Variants in CREB3L2 observed in about 807,000 individuals in gnomAD.
CREB3L2 encodes cAMP responsive element binding protein 3 like 2, also known as cyclic AMP-responsive element-binding protein 3-like protein 2.
CREB3L2 carries 23 observed loss-of-function variants against 57.2 expected under a neutral mutation model. The observed-to-expected ratio is 0.40, with a 90% confidence interval of 0.29 to 0.57. CREB3L2 has a LOEUF of 0.57. Among genes scored for constraint, CREB3L2 ranks in the 20% least tolerant of loss-of-function variants. The pLI is 0.42. For missense variants in CREB3L2, 628 were observed against 634.7 expected, an observed-to-expected ratio of 0.99 and a Z score of 0.11; for synonymous variants, 268 against 265.1, an observed-to-expected ratio of 1.01 and a Z score of -0.11.
rs765288089 is a variant in CREB3L2, at chr7:137,885,387, C to G, written c.1143+16G>C. The G allele has an allele frequency of 6.2e-7, 1 of 1,609,838 alleles. No individual in the cohort carries two copies. Among genetic ancestry groups the G allele is most frequent in the South Asian group, 1.1e-5 (1 of 90,982 alleles). ...GGCCAGGGGCGGTCACTGTGCTACC[C>G]TGCTGGGAAGCTCACCATGAGGCAG... On this transcript the variant is annotated intron_variant, in intron 9 of 11. Transcript: ENST00000330387.
chr7:137,912,241 G>A (rs1454388085), intron 4 of CREB3L2, among the ~76,000 whole-genome samples: 2 of 152,036 alleles, frequency 1.3e-5, no homozygotes, highest in Admixed American at 1.3e-4. Context: ...GCTGGGTGTG[G>A]TGGTGCACGC....
intron 1 of CREB3L2, among the ~76,000 whole-genome samples, chr7:137,971,449 CAA>C (rs34602691): frequency 2.9e-5 from 4 of 136,006 alleles, no homozygotes; most frequent in African/African-American, 5.7e-5. Flanking sequence ...GACTCCGTCT[CAA>C]AAAAAAAAAA....
intron 1 of CREB3L2, among the ~76,000 whole-genome samples, chr7:137,983,532 C>T (rs1411228126): frequency 6.6e-6 from 1 of 152,240 alleles, no homozygotes; most frequent in Non-Finnish European, 1.5e-5. Context: ...CAGCAGGCTT[C>T]AGGCAGGTGT....
In CREB3L2 at chr7:137,882,101, C is replaced by T. The variant is rs190319007; in HGVS notation, c.1487+311G>A. Among the ~76,000 whole-genome samples the T allele has an allele frequency of 3.3e-3, 501 of 152,298 alleles. 2 individuals are homozygous for T. The highest frequency in any genetic ancestry group is 5.3e-3 in the Non-Finnish European group (362 of 68,018). ...TGGTTACCTGGGCTGTGCATTCACT[C>T]GTGTGGCTTGGAAGGGAGGATGGAG... On this transcript the variant is annotated intron_variant, in intron 11 of 11. Coordinates refer to ENST00000330387, the MANE Select transcript of CREB3L2 (RefSeq NM_194071.4).
chr7:137,935,531 T>C, intron 1 of CREB3L2, among the ~76,000 whole-genome samples: 1 of 152,342 alleles, frequency 6.6e-6, no homozygotes, highest in East Asian at 1.9e-4. Context: ...TCTTTGATGT[T>C]CCTTTCATTG....
At chr7:137,943,763 T>C in intron 1 of CREB3L2, among the ~76,000 whole-genome samples, 1 of 152,196 alleles carries the variant, frequency 6.6e-6, no homozygotes, top group Admixed American at 6.5e-5. Context: ...GATTCTTCAT[T>C]AATGAGGATT....
Position 137,982,830 on chromosome 7 carries a change from T to C in CREB3L2, c.102+18774A>G, listed in dbSNP as rs145152725. On this transcript the variant is annotated intron_variant, in intron 1 of 11. Coordinates refer to ENST00000330387, the MANE Select transcript of CREB3L2 (RefSeq NM_194071.4). Reference sequence around the variant, plus strand: ...CTGGAGACTGGGCCTGAGGGTTAAATGGGCTGAAAGGATGGTGCCCTCATG... The same window carrying C: ...CTGGAGACTGGGCCTGAGGGTTAAACGGGCTGAAAGGATGGTGCCCTCATG... Among the ~76,000 whole-genome samples the C allele has an allele frequency of 4.3e-3, 652 of 152,242 alleles. 6 individuals are homozygous for C. Among genetic ancestry groups the C allele is most frequent in the African/African-American group, 0.015 (623 of 41,540 alleles).
intron 1 of CREB3L2, among the ~76,000 whole-genome samples, chr7:137,930,078 T>C (rs536678329): frequency 6.6e-6 from 1 of 151,626 alleles, no homozygotes. Flanking sequence ...TTTGTATTTG[T>C]AGTAGAGACA....
At chr7:137,965,536 A>C (rs1261954783) in intron 1 of CREB3L2, among the ~76,000 whole-genome samples, 2 of 152,202 alleles carry the variant, frequency 1.3e-5, no homozygotes, top group Non-Finnish European at 2.9e-5. Flanking sequence ...GAGTAGACCA[A>C]TGCTATTGGT....
chr7:137,880,128 C>T lies in CREB3L2; in HGVS notation c.*348G>A, dbSNP rs1258851564. On this transcript the variant is annotated 3_prime_UTR_variant, in exon 12 of 12. Coordinates refer to ENST00000330387, the MANE Select transcript of CREB3L2 (RefSeq NM_194071.4). The surrounding 1 kb of genome is among the most constrained non-coding windows in gnomAD (Gnocchi z 4.0). Reference sequence around the variant, plus strand: ...GACTGAACAAGAGCCATCTCGTCTCCAAAGCGGGGGGTTACACCTCACAGG... The same window carrying T: ...GACTGAACAAGAGCCATCTCGTCTCTAAAGCGGGGGGTTACACCTCACAGG... 4 of 347,638 alleles carry T rather than the reference C, an allele frequency of 1.2e-5. No individual in the cohort carries two copies. Among genetic ancestry groups the T allele is most frequent in the African/African-American group, 6.1e-5 (3 of 48,904 alleles). The allele number at this position is 347,638 out of a possible 1,614,324, so 21.5% of individuals were successfully genotyped here. A position where few individuals can be genotyped will look rare whatever the true frequency, so the allele number is the denominator to read the frequency against.
At chr7:137,921,269 A>G (rs972794418) in intron 2 of CREB3L2, among the ~76,000 whole-genome samples, 4 of 152,270 alleles carry the variant, frequency 2.6e-5, no homozygotes, top group African/African-American at 9.6e-5. Flanking sequence ...TTTGGAGAGT[A>G]AGAAGAACAA....
At chr7:137,969,104 C>T (rs562421290) in intron 1 of CREB3L2, among the ~76,000 whole-genome samples, 1 of 152,274 alleles carries the variant, frequency 6.6e-6, no homozygotes, top group Admixed American at 6.5e-5. Flanking sequence ...GGAACTCCAG[C>T]AAGATCCCTG....
rs549031494 is a variant in CREB3L2, at chr7:137,922,880, A to C, written c.319+5270T>G. The C allele has an allele frequency of 7.4e-5, 14 of 190,100 alleles. 1 individual carries two copies. The South Asian group carries it at 1.1e-3, about 16-fold the overall frequency. The allele number at this position is 190,100 out of a possible 1,614,324, so 11.8% of individuals were successfully genotyped here. On this transcript the variant is annotated intron_variant, in intron 2 of 11. Transcript: ENST00000330387. ...TCAAAGGAGTTGGCAAATCTTGAAC[A>C]ATTTTTTTATGTAAAAATCTCTTAA...
intron 1 of CREB3L2, among the ~76,000 whole-genome samples, chr7:137,991,899 C>T (rs934606987): frequency 1.9e-5 from 2 of 108,098 alleles, no homozygotes; most frequent in East Asian, 6.7e-4. Context: ...CAGAGCAAGA[C>T]TCTGCCTCAA....
Position 137,906,040 on chromosome 7 carries a change from T to G in CREB3L2, c.769-192A>C, listed in dbSNP as rs143997562. Among the ~76,000 whole-genome samples, 3 of 152,216 alleles carry G rather than the reference T, an allele frequency of 2.0e-5. No individual in the cohort carries two copies. In the East Asian group the frequency reaches 5.8e-4, roughly 29 times the overall value. On this transcript the variant is annotated intron_variant, in intron 5 of 11. Coordinates refer to ENST00000330387, the MANE Select transcript of CREB3L2 (RefSeq NM_194071.4). ...GGAAGATGGGGAAGACACCCCCATGTGAGTGTTATAACCTAGGGATTATAA... is the reference window on the plus strand; with the variant it reads ...GGAAGATGGGGAAGACACCCCCATGGGAGTGTTATAACCTAGGGATTATAA...
chr7:137,995,591 C>G (rs190810653), intron 1 of CREB3L2, among the ~76,000 whole-genome samples: 11 of 152,226 alleles, frequency 7.2e-5, no homozygotes, highest in Admixed American at 2.0e-4. Flanking sequence ...CCTTGGCCCC[C>G]CAAAGTGCTG....
chr7:137,890,719 A>C (rs1799513053), intron 8 of CREB3L2, among the ~76,000 whole-genome samples: 1 of 152,204 alleles, frequency 6.6e-6, no homozygotes, highest in Non-Finnish European at 1.5e-5. Context: ...TGACCTCGTA[A>C]CTGATATGTT....
intron 1 of CREB3L2, among the ~76,000 whole-genome samples, chr7:137,962,651 A>G (rs1370939971): frequency 3.3e-5 from 5 of 149,510 alleles, no homozygotes; most frequent in Admixed American, 1.3e-4. Context: ...ACCCCCCACC[A>G]GCATTCTCTT....
Position 137,899,709 on chromosome 7 carries a change from C to CAG in CREB3L2, c.1043+1643_1043+1644dup, listed in dbSNP as rs561429231. Among the ~76,000 whole-genome samples, 99 of 152,346 alleles carry CAG rather than the reference C, an allele frequency of 6.5e-4. 1 individual carries two copies. Among genetic ancestry groups the CAG allele is most frequent in the African/African-American group, 2.3e-3 (95 of 41,592 alleles). ...TCCTCCCTTTGGGCAGTCTGTCTTA[C>CAG]AGAGCACTTGGGGTGAACTGCCCCT... On this transcript the variant is annotated intron_variant, in intron 8 of 11. Transcript: ENST00000330387.
Sources: gnomAD v4.1 joint callset for allele counts (sites outside exome capture counted in the v4.1 genomes callset) on GRCh38, gnomAD v4.1.1 for gene constraint, Gnocchi (gnomAD v3.1) non-coding constraint, MANE v1.5 for transcripts, NCBI Gene and HGNC (gene_info 2026-07-23, HGNC 2026-07-21) for gene names.